The following MACIR variants were observed in gnomAD, a reference collection of about 807,000 sequenced individuals.
The protein encoded by MACIR is macrophage immunometabolism regulator.
A neutral mutation model predicts 14.3 loss-of-function variants in MACIR; 4 were observed. The observed-to-expected ratio is 0.28, with a 90% CI of 0.14 to 0.64. The LOEUF is 0.64. MACIR is among the 30% of genes least tolerant of loss of function. The pLI is 0.83. For synonymous variants in MACIR, 101 were observed against 102.4 expected, an observed-to-expected ratio of 0.99 and a Z score of 0.08; for missense variants, 228 against 257.6, an observed-to-expected ratio of 0.89 and a Z score of 0.79.
chr5:103,259,744 G>T (rs936287935), intron 1 of MACIR: 40 of 152,256 alleles, frequency 2.6e-4, no homozygotes, highest in African/African-American at 9.4e-4. Flanking sequence ...GGCAGATGTC[G>T]GGCATTGCCA....
intron 2 of MACIR, among the ~76,000 whole-genome samples, chr5:103,266,415 C>A (rs1804924727): frequency 6.6e-6 from 1 of 152,132 alleles, no homozygotes; most frequent in South Asian, 2.1e-4. Flanking sequence ...AAAGAATGAG[C>A]CAACAGGTGT....
chr5:103,267,633 C>T (rs1804974255), intron 2 of MACIR, among the ~76,000 whole-genome samples: 2 of 152,028 alleles, frequency 1.3e-5, no homozygotes, highest in Admixed American at 6.6e-5. Context: ...CTTTTGATTC[C>T]AAAATTATAC....
chr5:103,275,841 C>A, intron 2 of MACIR, 56 bp from the exon 3 acceptor site: 1 of 1,478,396 alleles, frequency 6.8e-7, no homozygotes, highest in Non-Finnish European at 9.1e-7. Flanking sequence ...AAGGACCTGG[C>A]CTGGCCCAAG....
intron 1 of MACIR, among the ~76,000 whole-genome samples, chr5:103,260,452 T>G (rs1393620142): frequency 7.1e-6 from 1 of 141,434 alleles, no homozygotes; most frequent in Non-Finnish European, 1.6e-5. Flanking sequence ...ATCCTCAGTG[T>G]TTTAATTATG....
At chr5:103,268,394 T>C (rs1348160951) in intron 2 of MACIR, among the ~76,000 whole-genome samples, 3 of 152,112 alleles carry the variant, frequency 2.0e-5, no homozygotes, top group African/African-American at 7.2e-5. Context: ...TTTTAACACG[T>C]TTGGTTAGCA....
chr5:103,268,908 A>G (rs1468295432), intron 2 of MACIR, among the ~76,000 whole-genome samples: 1 of 152,074 alleles, frequency 6.6e-6, no homozygotes, highest in Non-Finnish European at 1.5e-5. Context: ...TATGTCCAAG[A>G]TGATTCTGGC....
Position 103,276,616 on chromosome 5 carries a change from C to T in MACIR, c.*76C>T. On this transcript the variant is annotated 3_prime_UTR_variant, in exon 3 of 3. Coordinates refer to ENST00000319933, the MANE Select transcript of MACIR (RefSeq NM_033211.4). ...AAAAAACCCACTGCTGTACTCTGTA[C>T]ATGACTCTTCACACTATAGATGGTT... The T allele has an allele frequency of 7.5e-7, 1 of 1,327,106 alleles. No individual in the cohort carries two copies. The highest frequency in any genetic ancestry group is 1.0e-6 in the Non-Finnish European group (1 of 964,380). The allele number at this position is 1,327,106 out of a possible 1,614,324, so 82.2% of individuals were successfully genotyped here. A position where few individuals can be genotyped will look rare whatever the true frequency, so the allele number is the denominator to read the frequency against.
intron 2 of MACIR, among the ~76,000 whole-genome samples, chr5:103,273,249 A>C (rs948661043): frequency 6.6e-6 from 1 of 151,812 alleles, no homozygotes; most frequent in Non-Finnish European, 1.5e-5. Context: ...CTCTTAAACC[A>C]CATCTGTATC....
At chr5:103,265,083 A>G (rs1804876249) in intron 1 of MACIR, among the ~76,000 whole-genome samples, 1 of 152,064 alleles carries the variant, frequency 6.6e-6, no homozygotes, top group Admixed American at 6.6e-5. Flanking sequence ...TTAACTAGGG[A>G]GGTAGGAGAT....
At chr5:103,269,637 A>G (rs1282218602) in intron 2 of MACIR, among the ~76,000 whole-genome samples, 1 of 152,134 alleles carries the variant, frequency 6.6e-6, no homozygotes, top group East Asian at 1.9e-4. Context: ...CATATTTTCA[A>G]AATGTTGCTC....
Position 103,274,605 on chromosome 5 carries a change from A to G in MACIR, c.-23-1292A>G, listed in dbSNP as rs186381937. ...CAGCGTGGTATCTGGTAACTTCACA[A>G]TCTCCTAATGAAGGAAATTAGAACA... On this transcript the variant is annotated intron_variant, in intron 2 of 2. Coordinates refer to ENST00000319933, the MANE Select transcript of MACIR (RefSeq NM_033211.4). 9.8e-3 allele frequency among the ~76,000 whole-genome samples: 1,489 copies of G among 151,476 alleles called. 25 individuals are homozygous for G. Among genetic ancestry groups the G allele is most frequent in the South Asian group, 0.038 (181 of 4,800 alleles).
intron 2 of MACIR, among the ~76,000 whole-genome samples, chr5:103,273,368 TA>T (rs1805204139): frequency 6.6e-6 from 1 of 152,112 alleles, no homozygotes; most frequent in Non-Finnish European, 1.5e-5. Context: ...TTTATGGTGT[TA>T]TTGGCTGTTG....
intron 2 of MACIR, among the ~76,000 whole-genome samples, chr5:103,272,909 T>C (rs1347530433): frequency 1.3e-5 from 2 of 152,182 alleles, no homozygotes; most frequent in Non-Finnish European, 2.9e-5. Flanking sequence ...GGAGCAAAAA[T>C]ACTGATGTTT....
At position 103,265,278 on chromosome 5, in the gene MACIR, T is replaced by A. The variant is rs1385302883; in HGVS notation, c.-113-630T>A. ...GCATCAGTCTTATGAAAGATTTACA[T>A]TGTTGCTGCTTTATGGCTACAATGA... On this transcript the variant is annotated intron_variant, in intron 1 of 2. Coordinates refer to ENST00000319933, the MANE Select transcript of MACIR (RefSeq NM_033211.4). 3.9e-5 allele frequency among the ~76,000 whole-genome samples: 6 copies of A among 152,292 alleles called. No individual in the cohort carries two copies. In the East Asian group the frequency reaches 1.2e-3, roughly 29 times the overall value.
intron 1 of MACIR, among the ~76,000 whole-genome samples, chr5:103,263,058 TGG>T (rs1480231863): frequency 1.3e-5 from 2 of 152,210 alleles, no homozygotes; most frequent in African/African-American, 4.8e-5. Flanking sequence ...TTGTTATAAG[TGG>T]GAGATGGGGG....
chr5:103,265,481 A>G (rs1804892598), intron 1 of MACIR, among the ~76,000 whole-genome samples: 2 of 152,172 alleles, frequency 1.3e-5, no homozygotes, highest in Admixed American at 1.3e-4. Context: ...GTCAAGAGGC[A>G]GAGTTCTTGG....
At position 103,273,996 on chromosome 5, in the gene MACIR, C is replaced by G. The variant is rs969392071; in HGVS notation, c.-23-1901C>G. ...CCCAGTCTTGGTGTGAGTGTGTGCC[C>G]TTTCCTCAATGGCCCTGGTTATTTT... On this transcript the variant is annotated intron_variant, in intron 2 of 2. Coordinates refer to ENST00000319933, the MANE Select transcript of MACIR (RefSeq NM_033211.4). Among the ~76,000 whole-genome samples the G allele has an allele frequency of 2.0e-5, 3 of 151,798 alleles. No homozygotes were observed. The South Asian group carries it at 6.3e-4, about 32-fold the overall frequency.
At chr5:103,261,698 C>CTTTT (rs1375863606) in intron 1 of MACIR, among the ~76,000 whole-genome samples, 1 of 113,436 alleles carries the variant, frequency 8.8e-6, no homozygotes, top group South Asian at 2.6e-4. Context: ...TTCTTTCTTT[C>CTTTT]TTTCTTCCTT....
Position 103,276,022 on chromosome 5 carries a change from C to CGCTGCT in MACIR, c.104_109dup (p.Cys36_Ser37insCysCys). 6.2e-7 allele frequency: 1 copy of CGCTGCT among 1,614,106 alleles called. No homozygotes were observed. Among genetic ancestry groups the CGCTGCT allele is most frequent in the Non-Finnish European group, 8.5e-7 (1 of 1,180,042 alleles). The stretch of plus-strand genomic sequence containing the variant: ...GGGAAAGGCGGAGGCAGAGAAGCCC[C>CGCTGCT]GCTGCTCCAGCACACCCTGCTCCCC... On this transcript the variant is annotated inframe_insertion, in exon 3 of 3. Transcript: ENST00000319933.
Sources: gnomAD v4.1 joint callset for allele counts (sites outside exome capture counted in the v4.1 genomes callset) on GRCh38, gnomAD v4.1.1 for gene constraint, MANE v1.5 for transcripts, NCBI Gene and HGNC (gene_info 2026-07-23, HGNC 2026-07-21) for gene names.